The following EBF2 variants were observed in gnomAD, a reference collection of about 807,000 sequenced individuals.
The protein encoded by EBF2 is EBF transcription factor 2.
Under a neutral mutation model 72.8 loss-of-function variants are expected in EBF2, and 21 were observed. The observed-to-expected ratio is 0.29, with a 90% CI of 0.20 to 0.42. EBF2 has a LOEUF of 0.42. Ranked by LOEUF, EBF2 falls within the 10% of genes least tolerant of loss-of-function variation. The probability of loss-of-function intolerance (pLI) is 1.00; values close to 1 mark genes in which losing one functional copy is unlikely to be tolerated. For missense variants in EBF2, 637 were observed against 731.2 expected (o/e 0.87, Z 1.49); for synonymous variants, 299 against 274.2 (o/e 1.09, Z -0.89).
intron 6 of EBF2, among the ~76,000 whole-genome samples, chr8:26,000,190 C>A (rs1161908675): frequency 6.6e-6 from 1 of 152,132 alleles, no homozygotes. Context: ...AGAGACCCAG[C>A]CTTCTGTTTG....
chr8:26,019,783 A>T (rs1183062081), intron 6 of EBF2, among the ~76,000 whole-genome samples: 1 of 152,200 alleles, frequency 6.6e-6, no homozygotes, highest in Non-Finnish European at 1.5e-5. Flanking sequence ...AGCCAAAGCC[A>T]TCTCCCACCC....
At chr8:25,966,742 G>C (rs1161412369) in intron 6 of EBF2, among the ~76,000 whole-genome samples, 1 of 152,164 alleles carries the variant, frequency 6.6e-6, no homozygotes, top group South Asian at 2.1e-4. Context: ...GGTGATAAGA[G>C]AGCCAGTAAA....
At chr8:25,845,641 T>G (rs886493868) in intron 15 of EBF2, among the ~76,000 whole-genome samples, 1 of 152,180 alleles carries the variant, frequency 6.6e-6, no homozygotes, top group African/African-American at 2.4e-5. Flanking sequence ...TCCCAGGGTT[T>G]CCCTAGATGT....
At chr8:25,845,357 C>T (rs1257768522) in intron 15 of EBF2, among the ~76,000 whole-genome samples, 1 of 152,098 alleles carries the variant, frequency 6.6e-6, no homozygotes, top group African/African-American at 2.4e-5. Context: ...CCTCTGCCTC[C>T]TGAGTAGCTG....
chr8:25,977,145 C>T (rs1804280994), intron 6 of EBF2, among the ~76,000 whole-genome samples: 1 of 152,190 alleles, frequency 6.6e-6, no homozygotes, highest in Non-Finnish European at 1.5e-5. Flanking sequence ...GCCCTCATTC[C>T]CTGGCACGGA....
At chr8:26,034,213 T>A (rs1485744) in intron 5 of EBF2, among the ~76,000 whole-genome samples, 128,000 of 152,284 alleles carry the variant, frequency 0.84, 53,909 homozygotes, top group East Asian at 0.97. Context: ...TTTCAGATGA[T>A]GTAGGAAGAC....
At chr8:25,894,323 T>C (rs1802833164) in intron 7 of EBF2, among the ~76,000 whole-genome samples, 1 of 152,244 alleles carries the variant, frequency 6.6e-6, no homozygotes. Flanking sequence ...TGATGAACAG[T>C]GACAACACTG....
intron 6 of EBF2, among the ~76,000 whole-genome samples, chr8:26,007,527 A>C (rs1804901918): frequency 1.3e-5 from 2 of 152,146 alleles, no homozygotes; most frequent in African/African-American, 4.8e-5. Flanking sequence ...AGATAAAGAA[A>C]TGGATGGAAA....
intron 6 of EBF2, among the ~76,000 whole-genome samples, chr8:25,928,314 T>C (rs928595461): frequency 1.6e-4 from 24 of 152,152 alleles, no homozygotes; most frequent in African/African-American, 5.6e-4. Context: ...CTTCATAAAC[T>C]TAAGGCTTAT....
chr8:25,964,210 G>A (rs1804079163), intron 6 of EBF2, among the ~76,000 whole-genome samples: 2 of 149,596 alleles, frequency 1.3e-5, no homozygotes, highest in South Asian at 4.1e-4. Flanking sequence ...CATTGGATAG[G>A]AATGACGAGA....
At position 25,976,333 on chromosome 8, in the gene EBF2, A is replaced by T. The variant is rs1804266923; in HGVS notation, c.551+56752T>A. Among the ~76,000 whole-genome samples, 3 of 152,182 alleles carry T rather than the reference A, an allele frequency of 2.0e-5. No homozygotes were observed. The South Asian group carries it at 6.2e-4, about 32-fold the overall frequency. Reference sequence around the variant, plus strand: ...GCCAATTTGGAAACAGGTCCAATAGATGGTTATTAAGCACTGCTCGACTAT... The same window carrying T: ...GCCAATTTGGAAACAGGTCCAATAGTTGGTTATTAAGCACTGCTCGACTAT... On this transcript the variant is annotated intron_variant, in intron 6 of 15. Transcript: ENST00000520164.
At chr8:25,900,692 TATCTTA>T (rs1463465877) in intron 7 of EBF2, among the ~76,000 whole-genome samples, 2 of 152,160 alleles carry the variant, frequency 1.3e-5, no homozygotes, top group African/African-American at 2.4e-5. Context: ...TAAGCATCTT[TATCTTA>T]ATTACAAGTA....
intron 6 of EBF2, among the ~76,000 whole-genome samples, chr8:26,004,004 G>A (rs1414127689): frequency 6.6e-6 from 1 of 151,976 alleles, no homozygotes; most frequent in Non-Finnish European, 1.5e-5. Flanking sequence ...ATTAGGAGAG[G>A]CGTTGTCCTT....
chr8:25,846,238 AT>A (rs35245247), intron 15 of EBF2, among the ~76,000 whole-genome samples: 43,843 of 150,248 alleles, frequency 0.29, 6,504 homozygotes, highest in South Asian at 0.41. Context: ...TTTTTATTTT[AT>A]TTTTTTTTTC....
intron 10 of EBF2, among the ~76,000 whole-genome samples, chr8:25,873,561 C>A (rs1056541242): frequency 6.6e-6 from 1 of 152,108 alleles, no homozygotes; most frequent in Non-Finnish European, 1.5e-5. Flanking sequence ...GCGGTACCTG[C>A]CTTTGTGGAC....
chr8:25,916,603 A>G (rs1803221148), intron 6 of EBF2, among the ~76,000 whole-genome samples: 1 of 152,134 alleles, frequency 6.6e-6, no homozygotes, highest in Admixed American at 6.6e-5. Context: ...ACTACACTGG[A>G]AGAACTTCCC....
intron 5 of EBF2, among the ~76,000 whole-genome samples, chr8:26,036,926 CAA>C (rs751824644): frequency 1.6e-4 from 25 of 151,544 alleles, no homozygotes; most frequent in Admixed American, 7.2e-4. Context: ...ATAAATAAAA[CAA>C]AGAGAAGAGG....
intron 6 of EBF2, among the ~76,000 whole-genome samples, chr8:25,994,134 A>G (rs938658099): frequency 2.0e-5 from 3 of 152,346 alleles, no homozygotes; most frequent in South Asian, 4.1e-4. Context: ...GAGGAACACT[A>G]AAACCAATCA....
At chr8:25,887,619 A>G (rs1053757627) in intron 9 of EBF2, among the ~76,000 whole-genome samples, 2 of 152,092 alleles carry the variant, frequency 1.3e-5, no homozygotes, top group Non-Finnish European at 2.9e-5. Flanking sequence ...TTTTCAAAAC[A>G]TTTTTTAACG....
Sources: allele counts gnomAD v4.1 joint callset (sites outside exome capture counted in the v4.1 genomes callset), GRCh38; gene constraint gnomAD v4.1.1; transcripts MANE v1.5; gene names NCBI Gene and HGNC (gene_info 2026-07-23, HGNC 2026-07-21).